Variants in ITGA7 observed in about 807,000 individuals in gnomAD.
ITGA7 encodes the protein integrin subunit alpha 7, also known as integrin alpha-7.
In ITGA7, 84 loss-of-function variants were observed where a neutral mutation model predicts 131.6. The observed-to-expected ratio is 0.64, with a 90% confidence interval of 0.54 to 0.77. ITGA7 has a LOEUF of 0.77. ITGA7 is among the 30% of genes least tolerant of loss of function. The pLI, the probability that ITGA7 is intolerant of heterozygous loss-of-function variation, is 0.00. For missense variants in ITGA7, 1,399 were observed against 1,482.9 expected (o/e 0.94, Z 0.93); for synonymous variants, 548 against 600.7 (o/e 0.91, Z 1.28).
At chr12:55,708,100 C>T, upstream of ITGA7, 3 of 929,546 alleles carry the variant, frequency 3.2e-6, no homozygotes, top group Non-Finnish European at 2.6e-6. Context: ...TCCGCCCCTG[C>T]GCGGCGCTCT....
intron 21 of ITGA7, 60 bp downstream of exon 21, chr12:55,692,784 C>G (rs1215990371): frequency 9.0e-6 from 14 of 1,549,874 alleles, no homozygotes; most frequent in African/African-American, 1.4e-5. Context: ...TCAACAGGTA[C>G]CCTTCCTGGA....
intron 24 of ITGA7, chr12:55,686,071 TCA>T (rs1870054818): frequency 2.3e-6 from 1 of 436,356 alleles, no homozygotes; most frequent in African/African-American, 2.1e-5. Context: ...ACCTCTCACC[TCA>T]CATCACTCTC....
Position 55,707,750 on chromosome 12 carries a change from C to T in ITGA7, c.-68G>A, listed in dbSNP as rs563138352. On this transcript the variant is annotated 5_prime_UTR_variant, in exon 1 of 25. Coordinates refer to ENST00000257879, the MANE Select transcript of ITGA7 (RefSeq NM_002206.3). ...CTCGCACGCCCCAAGCCCCAGGTCC[C>T]CCCAGGCGCGTCTCTGGTCTCCAAA... The T allele has an allele frequency of 1.3e-6, 2 of 1,548,642 alleles. No homozygotes were observed. Among genetic ancestry groups the T allele is most frequent in the African/African-American group, 1.4e-5 (1 of 73,062 alleles).
rs758758352 is a variant in ITGA7 at position 55,707,618 on chromosome 12, AG to A, written c.64del (p.Leu22CysfsTer17). On this transcript the variant is annotated frameshift_variant, in exon 1 of 25. Coordinates refer to ENST00000257879, the MANE Select transcript of ITGA7 (RefSeq NM_002206.3). LOFTEE classifies it high-confidence loss of function. ...ASGICYLFGSLLVELLFSRAV... is the reference protein window; with the variant it reads ...ASGICYLFGSXLVELLFSRAV... Reference sequence around the variant, plus strand: ...CCGTGAGAAGAGCAGTTCGACGAGCAGGGAGCCAAAAAGGTAGCAAATCCCG... The same window carrying A: ...CCGTGAGAAGAGCAGTTCGACGAGCAGGAGCCAAAAAGGTAGCAAATCCCG... 6.2e-7 allele frequency: 1 copy of A among 1,611,134 alleles called. No homozygotes were observed. Among genetic ancestry groups the A allele is most frequent in the Non-Finnish European group, 8.5e-7 (1 of 1,178,682 alleles).
intron 24 of ITGA7, among the ~76,000 whole-genome samples, chr12:55,685,984 C>A (rs564558588): frequency 6.6e-6 from 1 of 152,336 alleles, no homozygotes; most frequent in Admixed American, 6.5e-5. Flanking sequence ...CACATGCTCA[C>A]ACCCCATGAG....
chr12:55,697,908 C>T lies in ITGA7; in HGVS notation c.1281+30G>A, dbSNP rs370839387. The T allele has an allele frequency of 1.9e-6, 3 of 1,613,996 alleles. No homozygotes were observed. In the African/African-American group the frequency reaches 4.0e-5, roughly 22 times the overall value. On this transcript the variant is annotated intron_variant, in intron 8 of 24. Coordinates refer to ENST00000257879, the MANE Select transcript of ITGA7 (RefSeq NM_002206.3). ...ATGCCTCTGCTGATTCCACCCACAC[C>T]CATTCCCTCATCCCAGCGACTCCCC...
intron 10 of ITGA7, 85 bp downstream of exon 10, chr12:55,697,366 C>A: frequency 6.3e-7 from 1 of 1,583,088 alleles, no homozygotes. Flanking sequence ...CTGTCACAGC[C>A]CCAGCCCCAA....
chr12:55,698,671 C>T (rs2136035488), intron 6 of ITGA7, 39 bp downstream of exon 6: 2 of 1,612,826 alleles, frequency 1.2e-6, no homozygotes, highest in Non-Finnish European at 1.7e-6. Context: ...GCTACTAGAC[C>T]CAGCCTCCCT....
chr12:55,694,811 CAGTG>C lies in ITGA7; in HGVS notation c.2159_2162del (p.Ser720CysfsTer34). The C allele has an allele frequency of 1.2e-6, 2 of 1,614,028 alleles. No individual in the cohort carries two copies. Among genetic ancestry groups the C allele is most frequent in the Non-Finnish European group, 1.7e-6 (2 of 1,179,984 alleles). ...CCAGGGCCCGGACCCCTGAGTAGTG[CAGTG>C]AGTCAGGAAGCATGACCAGGAGCTG... On this transcript the variant is annotated frameshift_variant, in exon 15 of 25. Coordinates refer to ENST00000257879, the MANE Select transcript of ITGA7 (RefSeq NM_002206.3). LOFTEE classifies it high-confidence loss of function. This position sits in a 1 kb window ranked among gnomAD's most constrained non-coding sequence, Gnocchi z 5.3.
intron 5 of ITGA7, chr12:55,699,510 CCAA>C (rs1347072995): frequency 2.9e-5 from 10 of 345,334 alleles, no homozygotes; most frequent in South Asian, 1.4e-4. Flanking sequence ...GAGGGACTTA[CCAA>C]CAACATTAGC....
At chr12:55,702,463 C>T (rs757796676) in intron 3 of ITGA7, among the ~76,000 whole-genome samples, 37 of 152,140 alleles carry the variant, frequency 2.4e-4, no homozygotes, top group Non-Finnish European at 5.0e-4. Context: ...CCACCGCACC[C>T]GGCCACGCCC....
rs1023494571 is a variant in ITGA7, at chr12:55,694,157, G to T, written c.2433-34C>A. ...GAGAGGTCAGAACAGGGGTGAGAAG[G>T]TCTGGGGCCTGGCTCAATGAAGGCA... On this transcript the variant is annotated intron_variant, in intron 18 of 24. Transcript: ENST00000257879. The surrounding 1 kb of genome is among the most constrained non-coding windows in gnomAD (Gnocchi z 5.3). The T allele has an allele frequency of 6.2e-6, 10 of 1,611,114 alleles. No homozygotes were observed. The Admixed American group carries it at 8.3e-5, about 13-fold the overall frequency.
intron 1 of ITGA7, among the ~76,000 whole-genome samples, chr12:55,706,635 TC>T (rs200816611): frequency 0.022 from 3,316 of 152,176 alleles, 116 homozygotes; most frequent in African/African-American, 0.076. Flanking sequence ...CACAGGCCCC[TC>T]ACAAAAGTAT....
At position 55,694,186 on chromosome 12, in the gene ITGA7, C is replaced by A; in HGVS notation, c.2433-63G>T. The A allele has an allele frequency of 1.2e-6, 2 of 1,611,730 alleles. No homozygotes were observed. The highest frequency in any genetic ancestry group is 8.5e-7 in the Non-Finnish European group (1 of 1,177,790). On this transcript the variant is annotated intron_variant, in intron 18 of 24. Coordinates refer to ENST00000257879, the MANE Select transcript of ITGA7 (RefSeq NM_002206.3). This position sits in a 1 kb window ranked among gnomAD's most constrained non-coding sequence, Gnocchi z 5.3. ...GGGGCCTGGCTCAATGAAGGCAGGG[C>A]CCTGGCCAAGGTTTGGAAATGTCAA...
Position 55,698,531 on chromosome 12 carries a change from T to C in ITGA7, c.1044A>G (p.Gln348=), listed in dbSNP as rs955914122. The change falls in exon 7 of 25, where the codon CAA becomes CAG. Residue 348 remains glutamine, a synonymous_variant. Coordinates refer to ENST00000257879, the MANE Select transcript of ITGA7 (RefSeq NM_002206.3). ...IVGAPYFFER[Q]EELGGAVYVY... ...CATACACAGCACCCCCCAGCTCTTC[T>C]TGGCGCTCAAAGAAGTAGGGGGCAC... is the stretch of plus-strand genomic sequence containing the variant. 1.2e-6 allele frequency: 2 copies of C among 1,614,084 alleles called. No homozygotes were observed. Among genetic ancestry groups the C allele is most frequent in the Non-Finnish European group, 8.5e-7 (1 of 1,179,988 alleles).
At chr12:55,706,360 T>G (rs1875179587) in intron 1 of ITGA7, among the ~76,000 whole-genome samples, 1 of 151,988 alleles carries the variant, frequency 6.6e-6, no homozygotes, top group Non-Finnish European at 1.5e-5. Context: ...AGAAGAAAGA[T>G]TAGAGCTAGG....
intron 3 of ITGA7, chr12:55,701,454 A>G: frequency 5.2e-6 from 8 of 1,547,986 alleles, no homozygotes; most frequent in Non-Finnish European, 7.0e-6. Context: ...GCCACCACAT[A>G]GGATGTGTGT....
intron 13 of ITGA7, 129 bp downstream of exon 13, chr12:55,696,154 A>T (rs894862151): frequency 2.0e-6 from 2 of 990,954 alleles, no homozygotes; most frequent in Non-Finnish European, 3.0e-6. Context: ...GCACCTAGAG[A>T]TATGAGGAAT....
chr12:55,696,324 G>T lies in ITGA7; in HGVS notation c.1846C>A (p.Pro616Thr). The T allele has an allele frequency of 6.3e-7, 1 of 1,582,556 alleles. No individual in the cohort carries two copies. Among genetic ancestry groups the T allele is most frequent in the Non-Finnish European group, 8.6e-7 (1 of 1,163,322 alleles). ...CTGGGCTGGTGGGCATTGAGGATGG[G>T]GGCCACTGGAGGCAGCCCCTGGCCA... ...APGQGLPPVA[P>T]ILNAHQPSTQ... The change falls in exon 13 of 25, where the codon CCC becomes ACC. Residue 616 changes from proline to threonine, a missense_variant. Physicochemically the swap from Pro to Thr is conservative, Grantham distance 38 (BLOSUM62 -1). Transcript: ENST00000257879.
Sources: allele counts gnomAD v4.1 joint callset (sites outside exome capture counted in the v4.1 genomes callset), GRCh38; gene constraint gnomAD v4.1.1; non-coding constraint Gnocchi (gnomAD v3.1); transcripts MANE v1.5; gene names NCBI Gene and HGNC (gene_info 2026-07-23, HGNC 2026-07-21).